ZNF605: variants seen among roughly 807,000 people sequenced by gnomAD.
ZNF605 encodes the protein zinc finger protein 605.
In ZNF605, 9 loss-of-function variants were observed where a neutral mutation model predicts 7.9. That is an observed-to-expected ratio of 1.14 (90% CI 0.68 to 1.98). The LOEUF (loss-of-function observed/expected upper bound fraction) is 1.98, where lower values mean the gene tolerates loss of function less well. ZNF605 is among the 30% of genes most tolerant of loss of function. The probability of loss-of-function intolerance (pLI) is 0.00; values close to 1 mark genes in which losing one functional copy is unlikely to be tolerated. For synonymous variants in ZNF605, 255 were observed against 260.1 expected (o/e 0.98, Z 0.19); for missense variants, 673 against 762.4 (o/e 0.88, Z 1.38).
chr12:132,925,341 C>A lies in ZNF605; in HGVS notation c.*32G>T. 6.7e-7 allele frequency: 1 copy of A among 1,491,942 alleles called. No individual in the cohort carries two copies. The highest frequency in any genetic ancestry group is 1.3e-5 in the South Asian group (1 of 75,910). The allele number at this position is 1,491,942 out of a possible 1,614,324, so 92.4% of individuals were successfully genotyped here. A position where few individuals can be genotyped will look rare whatever the true frequency, so the allele number is the denominator to read the frequency against. On this transcript the variant is annotated 3_prime_UTR_variant, in exon 5 of 5. Transcript: ENST00000360187. Reference sequence around the variant, plus strand: ...TGTCAGAAAGTATGACACTTGATAGCAACCTTTCTGCATTCGCCAAAGTCA... The same window carrying A: ...TGTCAGAAAGTATGACACTTGATAGAAACCTTTCTGCATTCGCCAAAGTCA...
At chr12:132,938,579 G>C (rs1012671444) in intron 3 of ZNF605, among the ~76,000 whole-genome samples, 25 of 152,196 alleles carry the variant, frequency 1.6e-4, no homozygotes, top group Non-Finnish European at 3.1e-4. Flanking sequence ...GGTGAGAGGT[G>C]ACAGCGTGCT....
chr12:132,932,758 CTTG>C (rs1952320664), intron 4 of ZNF605: 1 of 1,536,474 alleles, frequency 6.5e-7, no homozygotes, highest in Non-Finnish European at 8.7e-7. Context: ...ATCCATGGAT[CTTG>C]TTGTTCCAGT....
At chr12:132,950,254 C>T (rs1278808795) in intron 1 of ZNF605, among the ~76,000 whole-genome samples, 3 of 152,132 alleles carry the variant, frequency 2.0e-5, no homozygotes, top group African/African-American at 7.2e-5. Context: ...ATCTTGTCGT[C>T]CTGAGTCCAA....
In ZNF605 at chr12:132,926,522, T is replaced by C; in HGVS notation, c.777A>G (p.Gly259=). Reference sequence around the variant, plus strand: ...GCTGCGACTTCCTACTGAAGGCTTTTCCACATTCACTGCATCCATACGGCT... The same window carrying C: ...GCTGCGACTTCCTACTGAAGGCTTTCCCACATTCACTGCATCCATACGGCT... The part of the protein sequence containing the change: ...GEKPYGCSEC[G]KAFSRKSQLK... Residue 259 remains glycine, a synonymous_variant, in exon 5 of 5, where the codon GGA becomes GGG. Transcript: ENST00000360187. 2 of 1,614,138 alleles carry C rather than the reference T, an allele frequency of 1.2e-6. No individual in the cohort carries two copies. Among genetic ancestry groups the C allele is most frequent in the South Asian group, 1.1e-5 (1 of 91,070 alleles).
rs1308194239 is a variant in ZNF605, at chr12:132,919,471, G to A, written c.*5902C>T. On this transcript the variant is annotated 3_prime_UTR_variant, in exon 5 of 5. Transcript: ENST00000360187. Reference sequence around the variant, plus strand: ...GTGGCGCGATCTCAGCTCACTGCAAGCTCCGCCTCCCGGGTTCACGCCATT... The same window carrying A: ...GTGGCGCGATCTCAGCTCACTGCAAACTCCGCCTCCCGGGTTCACGCCATT... The A allele has an allele frequency of 1.4e-5, 2 of 143,804 alleles. No homozygotes were observed. Among genetic ancestry groups the A allele is most frequent in the Admixed American group, 7.3e-5 (1 of 13,682 alleles). 8.9% of individuals were successfully genotyped at this position (143,804 alleles called of 1,614,324 possible).
chr12:132,948,397 G>C (rs1364050922), intron 1 of ZNF605, 127 bp from the exon 2 acceptor site: 2 of 152,246 alleles, frequency 1.3e-5, no homozygotes, highest in Admixed American at 6.5e-5. Context: ...CCTGTGGAGC[G>C]AGGCCACGTG....
intron 1 of ZNF605, among the ~76,000 whole-genome samples, chr12:132,955,660 G>C (rs1952629258): frequency 6.6e-6 from 1 of 152,048 alleles, no homozygotes; most frequent in Non-Finnish European, 1.5e-5. Context: ...ACAGCCGGCA[G>C]GCTTTCCAGT....
chr12:132,937,040 TATCTTGAC>T (rs1447311356), intron 3 of ZNF605, among the ~76,000 whole-genome samples: 2 of 152,146 alleles, frequency 1.3e-5, no homozygotes, highest in Non-Finnish European at 2.9e-5. Flanking sequence ...ATTAACAAGA[TATCTTGAC>T]ATTTCACCAA....
At position 132,941,703 on chromosome 12, in the gene ZNF605, G is replaced by A. The variant is rs1180687746; in HGVS notation, c.15+3918C>T. ...AAGCGACCTCAGGCCTCACGCAGCCGTTCCCCGCAGGGCACTTCCCACGGG... is the reference window on the plus strand; with the variant it reads ...AAGCGACCTCAGGCCTCACGCAGCCATTCCCCGCAGGGCACTTCCCACGGG... On this transcript the variant is annotated intron_variant, in intron 3 of 4. Transcript: ENST00000360187. The surrounding 1 kb of genome is among the most constrained non-coding windows in gnomAD (Gnocchi z 5.1). 2.6e-5 allele frequency among the ~76,000 whole-genome samples: 4 copies of A among 152,314 alleles called. No homozygotes were observed. Among genetic ancestry groups the A allele is most frequent in the South Asian group, 4.1e-4 (2 of 4,832 alleles).
At position 132,926,802 on chromosome 12, in the gene ZNF605, G is replaced by T; in HGVS notation, c.497C>A (p.Thr166Lys). Residue 166 changes from threonine to lysine, a missense_variant, in exon 5 of 5, where the codon ACA (threonine) becomes AAA (lysine). Physicochemically the swap from Thr to Lys is moderately conservative, Grantham distance 78. Coordinates refer to ENST00000360187, the MANE Select transcript of ZNF605 (RefSeq NM_183238.4). Reference sequence around the variant, plus strand: ...ACATTCCATGCATAAATAGACTCCTGTGTGTGTTATGTGATTAGCAGTGAG... The same window carrying T: ...ACATTCCATGCATAAATAGACTCCTTTGTGTGTTATGTGATTAGCAGTGAG... The part of the protein sequence containing the change: ...PWLTANHITH[T>K]GVYLCMECGR... The T allele has an allele frequency of 6.2e-7, 1 of 1,614,142 alleles. No homozygotes were observed. Among genetic ancestry groups the T allele is most frequent in the African/African-American group, 1.3e-5 (1 of 75,044 alleles).
At chr12:132,946,904 G>C (rs1391034780) in intron 2 of ZNF605, among the ~76,000 whole-genome samples, 1 of 152,218 alleles carries the variant, frequency 6.6e-6, no homozygotes, top group Non-Finnish European at 1.5e-5. Context: ...ACACCCCGAG[G>C]GGAATGTGTG....
intron 3 of ZNF605, among the ~76,000 whole-genome samples, chr12:132,939,781 T>C (rs1308098616): frequency 3.3e-5 from 5 of 152,196 alleles, no homozygotes; most frequent in Non-Finnish European, 1.5e-5. Context: ...TACTGCTCAC[T>C]CTTTGGGTCC....
intron 3 of ZNF605, among the ~76,000 whole-genome samples, chr12:132,940,357 G>C (rs1952423366): frequency 6.6e-6 from 1 of 152,194 alleles, no homozygotes; most frequent in Non-Finnish European, 1.5e-5. Context: ...CTGGCTCCTG[G>C]TTAAAAAGGT....
intron 1 of ZNF605, among the ~76,000 whole-genome samples, chr12:132,950,924 CGT>C (rs1952555080): frequency 6.6e-6 from 1 of 150,848 alleles, no homozygotes; most frequent in African/African-American, 2.4e-5. Context: ...ACACACGTAA[CGT>C]ATACACAGAC....
intron 3 of ZNF605, among the ~76,000 whole-genome samples, chr12:132,934,427 T>G (rs1952340282): frequency 6.6e-6 from 1 of 151,788 alleles, no homozygotes; most frequent in South Asian, 2.1e-4. Context: ...AGGAACCATC[T>G]GGGTGTGGTG....
chr12:132,953,582 A>G (rs970034733), intron 1 of ZNF605, among the ~76,000 whole-genome samples: 15 of 152,052 alleles, frequency 9.9e-5, no homozygotes, highest in Non-Finnish European at 1.9e-4. Context: ...GCCCACCACC[A>G]TGCCCAGCTA....
In ZNF605 at chr12:132,926,594, A is replaced by G; in HGVS notation, c.705T>C (p.Ser235=). 1.2e-6 allele frequency: 2 copies of G among 1,614,106 alleles called. No homozygotes were observed. The highest frequency in any genetic ancestry group is 2.2e-5 in the East Asian group (1 of 44,882). The change falls in exon 5 of 5, where the codon AGT becomes AGC. Residue 235 remains serine (S), a synonymous_variant. Coordinates refer to ENST00000360187, the MANE Select transcript of ZNF605 (RefSeq NM_183238.4). ...HGCSECQKAF[S]RKSLLILHQR... is the part of the protein sequence containing the mutation. ...GATGTAAAATGAGGAGTGACTTCCT[A>G]CTAAAAGCTTTCTGACATTCGCTGC...
Position 132,945,791 on chromosome 12 carries a change from C to A in ZNF605, c.-156G>T. 3 of 1,066,608 alleles carry A rather than the reference C, an allele frequency of 2.8e-6. No homozygotes were observed. The highest frequency in any genetic ancestry group is 4.3e-6 in the Non-Finnish European group (3 of 696,206). The allele number at this position is 1,066,608 out of a possible 1,614,324, so 66.1% of individuals were successfully genotyped here. A position where few individuals can be genotyped will look rare whatever the true frequency, so the allele number is the denominator to read the frequency against. ...ACATGAATTGTCTTGTTCCAGAGGG[C>A]TATTGCCTGTGGATGCAGTGGACAT... On this transcript the variant is annotated 5_prime_UTR_variant, in exon 3 of 5. It removes the in-frame stop codon of an upstream open reading frame in the 5' UTR. Transcript: ENST00000360187.
At chr12:132,952,329 C>T (rs1407882896) in intron 1 of ZNF605, among the ~76,000 whole-genome samples, 4 of 151,440 alleles carry the variant, frequency 2.6e-5, no homozygotes, top group South Asian at 2.1e-4. Context: ...GGCATGGTGG[C>T]GGGCACCTGT....
Sources: allele counts gnomAD v4.1 joint callset (sites outside exome capture counted in the v4.1 genomes callset), GRCh38; gene constraint gnomAD v4.1.1; non-coding constraint Gnocchi (gnomAD v3.1); transcripts MANE v1.5; gene names NCBI Gene and HGNC (gene_info 2026-07-23, HGNC 2026-07-21).